The following TMEM117 variants were observed in gnomAD, a reference collection of about 807,000 sequenced individuals.
The protein encoded by TMEM117 is transmembrane protein 117.
A neutral mutation model predicts 52.4 loss-of-function variants in TMEM117; 27 were observed. The observed-to-expected ratio is 0.51, with a 90% CI of 0.38 to 0.71. TMEM117 has a LOEUF of 0.71. Among genes scored for constraint, TMEM117 ranks in the 30% least tolerant of loss-of-function variants. TMEM117 has a pLI of 0.00. For synonymous variants in TMEM117, 215 were observed against 206.3 expected (o/e 1.04, Z -0.36); for missense variants, 556 against 630.5 (o/e 0.88, Z 1.26).
chr12:44,380,536 C>A (rs1455582288), intron 7 of TMEM117, among the ~76,000 whole-genome samples: 1 of 152,180 alleles, frequency 6.6e-6, no homozygotes, highest in Non-Finnish European at 1.5e-5. Context: ...AGGTTGGATA[C>A]ATGGGCTCTA....
intron 3 of TMEM117, among the ~76,000 whole-genome samples, chr12:43,993,697 T>G (rs945001753): frequency 1.3e-5 from 2 of 152,148 alleles, no homozygotes; most frequent in African/African-American, 4.8e-5. Flanking sequence ...TTTTTGTCTC[T>G]TTTTTCTATT....
intron 5 of TMEM117, among the ~76,000 whole-genome samples, chr12:44,279,399 C>T (rs533878373): frequency 3.3e-5 from 5 of 152,268 alleles, no homozygotes; most frequent in South Asian, 4.1e-4. Context: ...TTTCTCTTCA[C>T]CCTTACCAAG....
upstream of TMEM117, among the ~76,000 whole-genome samples, chr12:43,835,586 A>T (rs746433039): frequency 2.6e-4 from 40 of 152,036 alleles, no homozygotes; most frequent in Admixed American, 1.3e-3. Flanking sequence ...CCACACCACC[A>T]ACAGACAAAA....
chr12:43,967,434 C>T (rs898011002), intron 3 of TMEM117, among the ~76,000 whole-genome samples: 8 of 152,116 alleles, frequency 5.3e-5, no homozygotes, highest in African/African-American at 1.9e-4. Flanking sequence ...CATGTTACTT[C>T]TGAGGTTAGG....
intron 2 of TMEM117, among the ~76,000 whole-genome samples, chr12:43,899,365 T>C: frequency 6.6e-6 from 1 of 152,218 alleles, no homozygotes; most frequent in East Asian, 1.9e-4. Flanking sequence ...TTCTGAACTT[T>C]CTTCATCGTT....
chr12:44,289,555 T>C (rs1174965778), intron 5 of TMEM117, among the ~76,000 whole-genome samples: 5 of 143,710 alleles, frequency 3.5e-5, no homozygotes, highest in Non-Finnish European at 6.1e-5. Flanking sequence ...TTTCTCTTTT[T>C]TTTTTTTTTT....
chr12:44,381,451 A>G (rs1396889883), intron 7 of TMEM117, among the ~76,000 whole-genome samples: 3 of 152,146 alleles, frequency 2.0e-5, no homozygotes, highest in South Asian at 2.1e-4. Context: ...TCTGAGTCCT[A>G]TTAATGCCAA....
At chr12:43,813,232 T>G in the TMEM117 span, among the ~76,000 whole-genome samples, 3 of 67,056 alleles carry the variant, frequency 4.5e-5, no homozygotes, top group Non-Finnish European at 8.3e-5. Context: ...TTTTCTCTTG[T>G]TTTTTTTTTT....
chr12:44,352,401 C>G (rs1951576609), intron 6 of TMEM117, among the ~76,000 whole-genome samples: 1 of 151,984 alleles, frequency 6.6e-6, no homozygotes, highest in African/African-American at 2.4e-5. Flanking sequence ...CCTATTAACT[C>G]ATCATTTAGC....
rs753987344 is a variant in TMEM117 at position 44,125,403 on chromosome 12, G to A, written c.411-18122G>A. Among the ~76,000 whole-genome samples, 13 of 152,222 alleles carry A rather than the reference G, an allele frequency of 8.5e-5. 1 individual carries two copies. Among genetic ancestry groups the A allele is most frequent in the South Asian group, 2.1e-4 (1 of 4,822 alleles). On this transcript the variant is annotated intron_variant, in intron 3 of 7. Transcript: ENST00000266534. Reference sequence around the variant, plus strand: ...ATTACAGGCGTGAGCCACTGCGCCCGGCCTGGGATTCAATTTCCTCCTGGT... The same window carrying A: ...ATTACAGGCGTGAGCCACTGCGCCCAGCCTGGGATTCAATTTCCTCCTGGT...
chr12:44,373,856 A>T (rs949938009), intron 6 of TMEM117, among the ~76,000 whole-genome samples: 2 of 130,098 alleles, frequency 1.5e-5, no homozygotes, highest in South Asian at 4.7e-4. Context: ...ATCTCGGCTC[A>T]CTACAACCTC....
chr12:44,235,073 A>AT (rs1949979425), intron 5 of TMEM117, among the ~76,000 whole-genome samples: 2 of 151,418 alleles, frequency 1.3e-5, no homozygotes, highest in Admixed American at 6.6e-5. Flanking sequence ...AATGGAGTCC[A>AT]TTTTTTCTTA....
intron 2 of TMEM117, among the ~76,000 whole-genome samples, chr12:43,922,196 G>GTC (rs546041201): frequency 1.3e-5 from 2 of 151,840 alleles, no homozygotes; most frequent in African/African-American, 2.4e-5. Context: ...CTCTGTCTCT[G>GTC]TCTCTCTCTC....
chr12:43,905,255 G>A (rs1044323465), intron 2 of TMEM117, among the ~76,000 whole-genome samples: 1 of 152,214 alleles, frequency 6.6e-6, no homozygotes, highest in Non-Finnish European at 1.5e-5. Flanking sequence ...AAGGGCAGCT[G>A]CAGTTGCAAG....
chr12:44,395,187 C>A, the TMEM117 span, among the ~76,000 whole-genome samples: 1 of 152,276 alleles, frequency 6.6e-6, no homozygotes, highest in African/African-American at 2.4e-5. Context: ...TATCTTTGAA[C>A]AAATTATAAT....
chr12:43,864,145 G>A (rs1311794587), intron 2 of TMEM117, among the ~76,000 whole-genome samples: 1 of 152,182 alleles, frequency 6.6e-6, no homozygotes, highest in African/African-American at 2.4e-5. Flanking sequence ...CAGGGCTCAG[G>A]ACCTGCAGCC....
At chr12:43,870,538 C>T (rs756058272) in intron 2 of TMEM117, among the ~76,000 whole-genome samples, 4 of 151,794 alleles carry the variant, frequency 2.6e-5, no homozygotes, top group South Asian at 2.1e-4. Context: ...GGTTTACAGG[C>T]GTGAGCCACT....
intron 3 of TMEM117, among the ~76,000 whole-genome samples, chr12:44,016,060 G>A (rs1048799858): frequency 2.0e-5 from 3 of 152,070 alleles, no homozygotes; most frequent in South Asian, 2.1e-4. Context: ...GGTCACCCCC[G>A]TTGAATGGAT....
chr12:43,970,676 A>G (rs1945569121), intron 3 of TMEM117, among the ~76,000 whole-genome samples: 1 of 152,176 alleles, frequency 6.6e-6, no homozygotes, highest in South Asian at 2.1e-4. Flanking sequence ...TATATATAGG[A>G]AAAAACAGTA....
Sources: gnomAD v4.1 joint callset for allele counts (sites outside exome capture counted in the v4.1 genomes callset) on GRCh38, gnomAD v4.1.1 for gene constraint, MANE v1.5 for transcripts, NCBI Gene and HGNC (gene_info 2026-07-23, HGNC 2026-07-21) for gene names.